The following EPHA4 variants were observed in gnomAD, a reference collection of about 807,000 sequenced individuals.
EPHA4 encodes EPH receptor A4.
In EPHA4, 19 loss-of-function variants were observed where a neutral mutation model predicts 108.3. That is an observed-to-expected ratio of 0.18 (90% confidence interval 0.12 to 0.26). EPHA4 has a LOEUF of 0.26. Among genes scored for constraint, EPHA4 ranks in the 10% least tolerant of loss-of-function variants. The probability of loss-of-function intolerance (pLI) is 1.00; values close to 1 mark genes in which losing one functional copy is unlikely to be tolerated. For synonymous variants in EPHA4, 449 were observed against 455.5 expected (o/e 0.99, Z 0.18); for missense variants, 917 against 1,254.0 (o/e 0.73, Z 4.06).
chr2:221,441,984 T>C (rs1271605793), intron 11 of EPHA4, among the ~76,000 whole-genome samples: 2 of 152,320 alleles, frequency 1.3e-5, no homozygotes, highest in Non-Finnish European at 2.9e-5. Context: ...GGGGTGGCTA[T>C]ATTGCCATTA....
chr2:221,572,074 C>T, intron 1 of EPHA4, 84 bp downstream of exon 1: 1 of 1,146,784 alleles, frequency 8.7e-7, no homozygotes, highest in Non-Finnish European at 1.3e-6. Context: ...CCCCCCGCAC[C>T]ACCTGGCCCT....
intron 17 of EPHA4, among the ~76,000 whole-genome samples, chr2:221,422,353 C>T (rs112937468): frequency 1.1e-4 from 16 of 152,140 alleles, no homozygotes; most frequent in Non-Finnish European, 2.1e-4. Flanking sequence ...CCACGTCCTG[C>T]GGACACACAA....
intron 5 of EPHA4, among the ~76,000 whole-genome samples, chr2:221,473,319 C>T (rs1691548896): frequency 6.6e-6 from 1 of 152,022 alleles, no homozygotes; most frequent in African/African-American, 2.4e-5. Flanking sequence ...GACAGATTAA[C>T]ATGTAAACCC....
chr2:221,506,095 C>T (rs1692622876), intron 3 of EPHA4, among the ~76,000 whole-genome samples: 1 of 152,044 alleles, frequency 6.6e-6, no homozygotes, highest in African/African-American at 2.4e-5. Context: ...CAAAGAGAGG[C>T]TTATAGGTCT....
At chr2:221,487,877 T>C (rs1225032583) in intron 4 of EPHA4, among the ~76,000 whole-genome samples, 1 of 152,182 alleles carries the variant, frequency 6.6e-6, no homozygotes, top group Non-Finnish European at 1.5e-5. Flanking sequence ...AAAGTTTTCA[T>C]ATTTAGTATG....
At chr2:221,449,916 G>A (rs182341836) in intron 8 of EPHA4, among the ~76,000 whole-genome samples, 20 of 152,282 alleles carry the variant, frequency 1.3e-4, no homozygotes, top group Admixed American at 1.1e-3. Context: ...AGCACTGAAC[G>A]GCATCACCCA....
At chr2:221,544,340 T>A (rs1693922628) in intron 3 of EPHA4, among the ~76,000 whole-genome samples, 1 of 152,184 alleles carries the variant, frequency 6.6e-6, no homozygotes, top group African/African-American at 2.4e-5. Context: ...ATTTACTTTT[T>A]TTTGAGATGG....
At chr2:221,486,575 TA>T (rs1263029320) in intron 4 of EPHA4, among the ~76,000 whole-genome samples, 2 of 149,954 alleles carry the variant, frequency 1.3e-5, no homozygotes, top group African/African-American at 2.4e-5. Flanking sequence ...TAAAAATACA[TA>T]AAAAAAAATT....
At chr2:221,570,328 A>G (rs2710504) in intron 1 of EPHA4, among the ~76,000 whole-genome samples, 72,788 of 150,144 alleles carry the variant, frequency 0.48, 18,584 homozygotes, top group Non-Finnish European at 0.57. Flanking sequence ...CCCCCCCCCA[A>G]AAAAAGAGGG....
chr2:221,504,402 C>T (rs961077906), intron 3 of EPHA4, among the ~76,000 whole-genome samples: 2 of 151,934 alleles, frequency 1.3e-5, no homozygotes, highest in South Asian at 4.1e-4. Flanking sequence ...CATTGGCTCA[C>T]CCACTACCAT....
At chr2:221,499,752 A>ATTTT (rs1279174124) in intron 4 of EPHA4, among the ~76,000 whole-genome samples, 2 of 41,338 alleles carry the variant, frequency 4.8e-5, no homozygotes, top group Admixed American at 3.4e-4. Context: ...ATATATATAT[A>ATTTT]TATATTTTTT....
chr2:221,554,145 A>C (rs1427977549), intron 3 of EPHA4, among the ~76,000 whole-genome samples: 1 of 152,216 alleles, frequency 6.6e-6, no homozygotes. Context: ...CGCTAATGAC[A>C]CCAGGGAACA....
intron 15 of EPHA4, among the ~76,000 whole-genome samples, chr2:221,429,721 A>G (rs1242752629): frequency 6.6e-6 from 1 of 151,938 alleles, no homozygotes; most frequent in African/African-American, 2.4e-5. Flanking sequence ...CTTTCCTACT[A>G]TTATTATTTT....
intron 4 of EPHA4, among the ~76,000 whole-genome samples, chr2:221,491,209 T>C (rs1195050383): frequency 3.9e-5 from 6 of 152,212 alleles, no homozygotes; most frequent in Non-Finnish European, 7.3e-5. Context: ...AAGTGCCTTA[T>C]AAATTCTCAG....
Position 221,455,565 on chromosome 2 carries a change from G to A in EPHA4, c.1697C>T (p.Ala566Val). 1 of 1,613,834 alleles carries A rather than the reference G, an allele frequency of 6.2e-7. No homozygotes were observed. The highest frequency in any genetic ancestry group is 8.5e-7 in the Non-Finnish European group (1 of 1,179,810). Reference sequence around the variant, plus strand: ...TGCTTACCTCCGGCTGATGACAAAAGCTGCAATGAGAATTACCACCAGCAC... The same window carrying A: ...TGCTTACCTCCGGCTGATGACAAAAACTGCAATGAGAATTACCACCAGCAC... The part of the protein sequence containing the change: ...SVVLVVILIA[A>V]FVISRRRSKY... Residue 566 changes from alanine to valine, a missense_variant, in exon 8 of 18, where the codon GCT becomes GTT. This residue lies in a region of EPHA4 where 758 missense variants were observed against 1,076.7 expected (regional missense o/e 0.70). Transcript: ENST00000281821.
chr2:221,537,103 C>G (rs1559284227), intron 3 of EPHA4, among the ~76,000 whole-genome samples: 2 of 152,158 alleles, frequency 1.3e-5, no homozygotes, highest in Non-Finnish European at 2.9e-5. Flanking sequence ...TCATTCATTC[C>G]TTTCAATAAC....
chr2:221,513,779 T>G (rs947593868), intron 3 of EPHA4, among the ~76,000 whole-genome samples: 1 of 152,204 alleles, frequency 6.6e-6, no homozygotes, highest in African/African-American at 2.4e-5. Flanking sequence ...GGACTAATGA[T>G]TTTACACAAC....
At chr2:221,505,774 C>T (rs929954729) in intron 3 of EPHA4, among the ~76,000 whole-genome samples, 8 of 152,150 alleles carry the variant, frequency 5.3e-5, no homozygotes, top group Non-Finnish European at 7.3e-5. Flanking sequence ...CTCTTGCAAA[C>T]GCAGGGTGCT....
chr2:221,490,993 C>A (rs986123737), intron 4 of EPHA4, among the ~76,000 whole-genome samples: 9 of 152,168 alleles, frequency 5.9e-5, no homozygotes, highest in African/African-American at 9.7e-5. Flanking sequence ...AAACCAGAAC[C>A]TTTTGGATGC....
Sources: allele counts gnomAD v4.1 joint callset (sites outside exome capture counted in the v4.1 genomes callset), GRCh38; gene constraint gnomAD v4.1.1; regional missense constraint gnomAD v4.1.1; transcripts MANE v1.5; gene names NCBI Gene and HGNC (gene_info 2026-07-23, HGNC 2026-07-21).